The following ILDR2 variants were observed in gnomAD, a reference collection of about 807,000 sequenced individuals.
ILDR2 encodes the protein immunoglobulin-like domain-containing receptor 2.
A neutral mutation model predicts 66.8 loss-of-function variants in ILDR2; 25 were observed. The ratio of observed to expected loss-of-function variants is 0.37; its 90% CI spans 0.27 to 0.52. ILDR2 has a LOEUF of 0.52. Among genes scored for constraint, ILDR2 ranks in the 20% least tolerant of loss-of-function variants. The probability of loss-of-function intolerance (pLI) is 0.88; values close to 1 mark genes in which losing one functional copy is unlikely to be tolerated. For missense variants in ILDR2, 827 were observed against 876.8 expected (o/e 0.94, Z 0.72); for synonymous variants, 367 against 357.2 (o/e 1.03, Z -0.31).
At chr1:166,920,274 C>T (rs1659829937) in intron 9 of ILDR2, among the ~76,000 whole-genome samples, 1 of 152,178 alleles carries the variant, frequency 6.6e-6, no homozygotes, top group African/African-American at 2.4e-5. Flanking sequence ...AAGTTACAAA[C>T]CCTCGCCCCA....
chr1:166,895,958 TC>T (rs1646443783), exon 3 of ILDR2: 1 of 152,224 alleles, frequency 6.6e-6, no homozygotes, highest in African/African-American at 2.4e-5. Context: ...TCCATTCTTC[TC>T]GATGTTCCTA....
chr1:166,965,570 G>GTTTTTTTTTT (rs535388259), intron 1 of ILDR2, among the ~76,000 whole-genome samples: 4 of 127,402 alleles, frequency 3.1e-5, no homozygotes, highest in African/African-American at 6.4e-5. Flanking sequence ...GTTAGGTTTT[G>GTTTTTTTTTT]TTTTTTTTTT....
chr1:166,897,511 G>A (rs1659186076), intron 2 of ILDR2, among the ~76,000 whole-genome samples: 1 of 152,178 alleles, frequency 6.6e-6, no homozygotes, highest in African/African-American at 2.4e-5. Context: ...TTAACTATGT[G>A]ATTAAAAGTT....
At chr1:166,925,645 T>C (rs1660233414) in intron 7 of ILDR2, among the ~76,000 whole-genome samples, 1 of 152,194 alleles carries the variant, frequency 6.6e-6, no homozygotes, top group African/African-American at 2.4e-5. Context: ...AGAGCTGGAA[T>C]CTGGTCCTAA....
At chr1:166,907,301 TAC>T (rs1659366004), downstream of ILDR2, 1 of 152,270 alleles carries the variant, frequency 6.6e-6, no homozygotes, top group Non-Finnish European at 1.5e-5. Flanking sequence ...AATGAAAATA[TAC>T]ACAATAGCCC....
At chr1:166,954,868 ATTT>A (rs1662182209) in intron 3 of ILDR2, among the ~76,000 whole-genome samples, 1 of 152,100 alleles carries the variant, frequency 6.6e-6, no homozygotes, top group Non-Finnish European at 1.5e-5. Context: ...CTTTCACTCT[ATTT>A]ATTTCCCCAT....
chr1:166,922,487 G>A (rs1158405054), intron 8 of ILDR2, 106 bp downstream of exon 8: 9 of 805,698 alleles, frequency 1.1e-5, no homozygotes, highest in Non-Finnish European at 1.9e-5. Context: ...AACCTGGAAT[G>A]GGAGACAGAG....
chr1:166,897,036 G>A (rs941189541), intron 2 of ILDR2, among the ~76,000 whole-genome samples: 1 of 152,166 alleles, frequency 6.6e-6, no homozygotes, highest in Non-Finnish European at 1.5e-5. Flanking sequence ...ACGCAATTGG[G>A]AACCATTGAG....
In ILDR2 at chr1:166,957,660, G is replaced by C. The variant is rs559851603; in HGVS notation, c.379+109C>G. On this transcript the variant is annotated intron_variant, in intron 2 of 9. Coordinates refer to ENST00000271417, the MANE Select transcript of ILDR2 (RefSeq NM_199351.3). The stretch of plus-strand genomic sequence containing the variant: ...ATTTCCAATAAAATAAAAGTCTTGA[G>C]GGTCTGAAAGGGTGAGAGGCTAGAA... The C allele has an allele frequency of 5.6e-5, 51 of 904,098 alleles. No individual in the cohort carries two copies. In the East Asian group the frequency reaches 1.1e-3, roughly 20 times the overall value. 56.0% of individuals were successfully genotyped at this position (904,098 alleles called of 1,614,324 possible).
chr1:166,965,582 G>T (rs7412754), intron 1 of ILDR2, among the ~76,000 whole-genome samples: 56,337 of 122,986 alleles, frequency 0.46, 12,864 homozygotes, highest in African/African-American at 0.63. Context: ...TTTTTTTTTT[G>T]TTTTTTTTTT....
intron 6 of ILDR2, 88 bp from the exon 7 acceptor site, chr1:166,927,268 G>T: frequency 2.5e-6 from 2 of 795,372 alleles, no homozygotes; most frequent in Non-Finnish European, 2.1e-6. Flanking sequence ...TAGAAAATAG[G>T]GTTTCCAATT....
downstream of ILDR2, among the ~76,000 whole-genome samples, chr1:166,906,791 T>C (rs1477875634): frequency 6.6e-6 from 1 of 152,256 alleles, no homozygotes; most frequent in Non-Finnish European, 1.5e-5. Context: ...TGGAATTTCA[T>C]GACTGAGAGT....
downstream of ILDR2, among the ~76,000 whole-genome samples, chr1:166,906,829 G>A (rs1368937379): frequency 6.6e-6 from 1 of 152,216 alleles, no homozygotes; most frequent in Non-Finnish European, 1.5e-5. Context: ...GTGGCTGTAT[G>A]TGAGAGTTCA....
chr1:166,973,623 C>G (rs902259822), intron 1 of ILDR2, among the ~76,000 whole-genome samples: 4 of 136,752 alleles, frequency 2.9e-5, no homozygotes, highest in African/African-American at 5.2e-5. Context: ...CCCCCCCCCC[C>G]CCGATGCCTG....
intron 2 of ILDR2, among the ~76,000 whole-genome samples, chr1:166,901,330 G>C (rs1659261180): frequency 6.6e-6 from 1 of 152,174 alleles, no homozygotes; most frequent in Non-Finnish European, 1.5e-5. Flanking sequence ...GTCCCTCGGG[G>C]TTATTACAAA....
chr1:166,926,256 G>C (rs758807638), intron 7 of ILDR2, among the ~76,000 whole-genome samples: 7 of 152,158 alleles, frequency 4.6e-5, no homozygotes, highest in Non-Finnish European at 7.4e-5. Context: ...CTCTGATAAT[G>C]AGCCTGTCCA....
At chr1:166,902,948 C>A (rs963022510) in intron 2 of ILDR2, among the ~76,000 whole-genome samples, 2 of 152,126 alleles carry the variant, frequency 1.3e-5, no homozygotes, top group Admixed American at 1.3e-4. Context: ...AATCAACAAG[C>A]CTATTTTCTC....
Position 166,916,953 on chromosome 1 carries a change from G to A in ILDR2, c.*2402C>T, listed in dbSNP as rs1340183376. 6.6e-6 allele frequency: 1 copy of A among 152,220 alleles called. No individual in the cohort carries two copies. Among genetic ancestry groups the A allele is most frequent in the Non-Finnish European group, 1.5e-5 (1 of 68,042 alleles). The allele number at this position is 152,220 out of a possible 1,614,324, so 9.4% of individuals were successfully genotyped here. ...GAGGCTCTTTGGTGGTGAAAAGCCTGACACAGTGCTCAGTATAAAGCGATA... is the reference window on the plus strand; with the variant it reads ...GAGGCTCTTTGGTGGTGAAAAGCCTAACACAGTGCTCAGTATAAAGCGATA... On this transcript the variant is annotated 3_prime_UTR_variant, in exon 10 of 10. Coordinates refer to ENST00000271417, the MANE Select transcript of ILDR2 (RefSeq NM_199351.3).
chr1:166,909,056 A>T lies in ILDR2; in HGVS notation c.*10299T>A, dbSNP rs1366924516. ...CTCTTTGGAGAAATCTTCCTATCCCACTATCCAGTCCATCGCAGTCTCACC... is the reference window on the plus strand; with the variant it reads ...CTCTTTGGAGAAATCTTCCTATCCCTCTATCCAGTCCATCGCAGTCTCACC... On this transcript the variant is annotated 3_prime_UTR_variant, in exon 10 of 10. Coordinates refer to ENST00000271417, the MANE Select transcript of ILDR2 (RefSeq NM_199351.3). 2.0e-5 allele frequency: 3 copies of T among 152,202 alleles called. No individual in the cohort carries two copies. The East Asian group carries it at 5.8e-4, about 29-fold the overall frequency. 9.4% of individuals were successfully genotyped at this position (152,202 alleles called of 1,614,324 possible). A position where few individuals can be genotyped will look rare whatever the true frequency, so the allele number is the denominator to read the frequency against.
Sources: allele counts gnomAD v4.1 joint callset (sites outside exome capture counted in the v4.1 genomes callset), GRCh38; gene constraint gnomAD v4.1.1; transcripts MANE v1.5; gene names NCBI Gene and HGNC (gene_info 2026-07-23, HGNC 2026-07-21).